Variants in B4GALT6 observed in about 807,000 individuals in gnomAD.
B4GALT6 encodes UDP-Gal:beta-GlcNAc beta-1,4-galactosyltransferase 6.
B4GALT6 carries 14 observed loss-of-function variants against 46.3 expected under a neutral mutation model. That is an observed-to-expected ratio of 0.30 (90% confidence interval 0.20 to 0.47). The LOEUF (loss-of-function observed/expected upper bound fraction) is 0.47. Ranked by LOEUF, B4GALT6 falls within the 20% of genes least tolerant of loss-of-function variation. The pLI, the probability that B4GALT6 is intolerant of heterozygous loss-of-function variation, is 0.99. For missense variants in B4GALT6, 386 were observed against 480.1 expected (o/e 0.80, Z 1.83); for synonymous variants, 168 against 162.0 (o/e 1.04, Z -0.28).
At chr18:31,719,449 T>G in the B4GALT6 span, among the ~76,000 whole-genome samples, 2 of 152,324 alleles carry the variant, frequency 1.3e-5, no homozygotes, top group East Asian at 3.9e-4. Context: ...GCTAGTTGTT[T>G]TCTTCACCCT....
intron 3 of B4GALT6, among the ~76,000 whole-genome samples, chr18:31,653,072 G>C (rs1598898091): frequency 6.6e-6 from 1 of 151,052 alleles, no homozygotes; most frequent in East Asian, 1.9e-4. Context: ...TGTCACCTGA[G>C]AGAAATGCAT....
At chr18:31,709,542 A>G in the B4GALT6 span, among the ~76,000 whole-genome samples, 1 of 142,128 alleles carries the variant, frequency 7.0e-6, no homozygotes, top group African/African-American at 2.6e-5. Context: ...AGTAGGATCA[A>G]TAGGATATAT....
the B4GALT6 span, among the ~76,000 whole-genome samples, chr18:31,692,315 C>T: frequency 1.3e-5 from 2 of 152,150 alleles, no homozygotes; most frequent in Non-Finnish European, 2.9e-5. Context: ...CCAATTTATG[C>T]TCCCACCAGC....
chr18:31,700,092 A>G, the B4GALT6 span, among the ~76,000 whole-genome samples: 10 of 152,202 alleles, frequency 6.6e-5, no homozygotes, highest in Admixed American at 6.5e-4. Flanking sequence ...ATCTCCCAGG[A>G]TCCTGGTGGT....
intron 7 of B4GALT6, among the ~76,000 whole-genome samples, chr18:31,626,636 A>G (rs148046130): frequency 5.6e-4 from 85 of 152,204 alleles, no homozygotes; most frequent in African/African-American, 1.9e-3. Flanking sequence ...CACAAACCCT[A>G]TTGTAAACTG....
intron 3 of B4GALT6, among the ~76,000 whole-genome samples, chr18:31,648,644 G>A (rs911492762): frequency 2.6e-5 from 4 of 152,232 alleles, no homozygotes; most frequent in Non-Finnish European, 5.9e-5. Flanking sequence ...AGCCAGGCAT[G>A]CATGGGCCCA....
chr18:31,635,124 G>C (rs1371725029), intron 5 of B4GALT6, among the ~76,000 whole-genome samples: 1 of 151,992 alleles, frequency 6.6e-6, no homozygotes, highest in Non-Finnish European at 1.5e-5. Flanking sequence ...CCAGTTACTC[G>C]GGAGGCTGAG....
intron 2 of B4GALT6, among the ~76,000 whole-genome samples, chr18:31,659,591 G>C (rs2074186778): frequency 6.6e-6 from 1 of 152,162 alleles, no homozygotes; most frequent in Non-Finnish European, 1.5e-5. Flanking sequence ...AAATTTCACA[G>C]GGCATCAGTA....
At chr18:31,699,638 A>G in the B4GALT6 span, among the ~76,000 whole-genome samples, 107 of 27,268 alleles carry the variant, frequency 3.9e-3, no homozygotes, top group Non-Finnish European at 7.9e-3. Context: ...TCTTCCTGGA[A>G]AAAAAAAAAA....
intron 3 of B4GALT6, among the ~76,000 whole-genome samples, chr18:31,652,272 T>C (rs765775391): frequency 7.9e-5 from 12 of 152,176 alleles, no homozygotes; most frequent in Admixed American, 2.6e-4. Context: ...TCTCTCCCAA[T>C]CATTTTACTG....
chr18:31,696,470 T>G, the B4GALT6 span, among the ~76,000 whole-genome samples: 5 of 152,340 alleles, frequency 3.3e-5, no homozygotes, highest in South Asian at 1.0e-3. Context: ...TCTTTTTCAC[T>G]TTTCTACATT....
chr18:31,649,078 G>C (rs2074027499), intron 3 of B4GALT6, among the ~76,000 whole-genome samples: 1 of 152,086 alleles, frequency 6.6e-6, no homozygotes, highest in African/African-American at 2.4e-5. Context: ...TGACAAGATG[G>C]GACATTCCCT....
At chr18:31,699,772 G>A in the B4GALT6 span, among the ~76,000 whole-genome samples, 1 of 151,914 alleles carries the variant, frequency 6.6e-6, no homozygotes, top group Non-Finnish European at 1.5e-5. Context: ...ACTGAACAAT[G>A]AGGTTATTGT....
At chr18:31,723,265 C>T in the B4GALT6 span, among the ~76,000 whole-genome samples, 1 of 152,102 alleles carries the variant, frequency 6.6e-6, no homozygotes, top group East Asian at 1.9e-4. Context: ...CCATGAAATC[C>T]TCAAACAACC....
At chr18:31,689,602 G>C, upstream of B4GALT6, among the ~76,000 whole-genome samples, 1 of 152,088 alleles carries the variant, frequency 6.6e-6, no homozygotes. Flanking sequence ...AAATTAGCTG[G>C]GCATGGTGGC....
upstream of B4GALT6, among the ~76,000 whole-genome samples, chr18:31,688,796 AAAGGTAGCAGAGCTGGG>A (rs541528692): frequency 0.01 from 1,547 of 152,318 alleles, 32 homozygotes; most frequent in African/African-American, 0.035. Context: ...CACACAGTAT[AAAGGTAGCAGAGCTGGG>A]AAGAAAGCCC....
intron 3 of B4GALT6, among the ~76,000 whole-genome samples, chr18:31,657,322 C>A (rs562515091): frequency 1.6e-4 from 24 of 152,014 alleles, no homozygotes; most frequent in African/African-American, 5.3e-4. Flanking sequence ...CAAAGACGTA[C>A]CACACAGTAA....
the B4GALT6 span, among the ~76,000 whole-genome samples, chr18:31,709,225 TA>T: frequency 2.0e-5 from 3 of 151,566 alleles, no homozygotes; most frequent in African/African-American, 7.3e-5. Context: ...AATTCAAATT[TA>T]TGTATTTTTT....
chr18:31,691,292 CATATATATATATATATATATATATAT>C, the B4GALT6 span, among the ~76,000 whole-genome samples: 1,297 of 117,448 alleles, frequency 0.011, 43 homozygotes, highest in Admixed American at 0.04. Context: ...CATAATTTTA[CATATATATATATATATATATATATAT>C]ATATATATAT....
Sources: gnomAD v4.1 joint callset for allele counts (sites outside exome capture counted in the v4.1 genomes callset) on GRCh38, gnomAD v4.1.1 for gene constraint, MANE v1.5 for transcripts, NCBI Gene and HGNC (gene_info 2026-07-23, HGNC 2026-07-21) for gene names.